Variants in GLB1 observed in about 807,000 individuals in gnomAD.
GLB1 encodes galactosidase beta 1, also known as beta-galactosidase.
In GLB1, 56 loss-of-function variants were observed where a neutral mutation model predicts 74.0. That is an observed-to-expected ratio of 0.76 (90% CI 0.61 to 0.94). The LOEUF is 0.94. Among genes scored for constraint, GLB1 ranks in the 40% least tolerant of loss-of-function variants. GLB1 has a pLI of 0.00. For synonymous variants in GLB1, 323 were observed against 323.6 expected, an observed-to-expected ratio of 1.00 and a Z score of 0.02; for missense variants, 787 against 845.5, an observed-to-expected ratio of 0.93 and a Z score of 0.86.
chr3:33,027,021 C>T (rs964098957), intron 10 of GLB1, among the ~76,000 whole-genome samples: 5 of 152,276 alleles, frequency 3.3e-5, no homozygotes, highest in African/African-American at 1.2e-4. Flanking sequence ...AGGGCTGAAA[C>T]ATGCCCCTTG....
chr3:33,059,313 A>C (rs1699352960), intron 5 of GLB1, among the ~76,000 whole-genome samples: 1 of 151,678 alleles, frequency 6.6e-6, no homozygotes, highest in African/African-American at 2.4e-5. Flanking sequence ...CCAATATACA[A>C]TATCTCAGGT....
chr3:33,043,803 T>TACCTCAGAAAAATACCAAGCAAAAG (rs1559397184), intron 10 of GLB1, among the ~76,000 whole-genome samples: 3 of 24,890 alleles, frequency 1.2e-4, no homozygotes, highest in African/African-American at 3.5e-4. Context: ...CAAGCAAAAG[T>TACCTCAGAAAAATACCAAGCAAAAG]ATGCAGGTAA....
At chr3:32,976,603 C>T in the GLB1 span, among the ~76,000 whole-genome samples, 1 of 152,130 alleles carries the variant, frequency 6.6e-6, no homozygotes, top group African/African-American at 2.4e-5. Context: ...GGCAGCAGTG[C>T]CGGGACTCTT....
At chr3:32,983,441 T>C in the GLB1 span, among the ~76,000 whole-genome samples, 1 of 152,368 alleles carries the variant, frequency 6.6e-6, no homozygotes, top group South Asian at 2.1e-4. Context: ...GTTTCAAAAG[T>C]GCTATTTTGT....
intron 1 of GLB1, among the ~76,000 whole-genome samples, chr3:33,077,709 A>G (rs1700171015): frequency 6.6e-6 from 1 of 151,392 alleles, no homozygotes; most frequent in Non-Finnish European, 1.5e-5. Context: ...TAAACAGCCA[A>G]TGGTACGTTT....
At chr3:33,091,805 C>T (rs1700775171) in intron 1 of GLB1, 7 of 985,496 alleles carry the variant, frequency 7.1e-6, no homozygotes, top group Non-Finnish European at 7.2e-6. Flanking sequence ...CCTAAATCAC[C>T]CAGCAGGAAA....
At chr3:32,968,820 T>C in the GLB1 span, among the ~76,000 whole-genome samples, 1 of 152,196 alleles carries the variant, frequency 6.6e-6, no homozygotes, top group Admixed American at 6.5e-5. Flanking sequence ...AGGGAGGCCA[T>C]AGAGGTTCTA....
intron 1 of GLB1, among the ~76,000 whole-genome samples, chr3:33,075,349 G>A (rs1700067956): frequency 6.6e-6 from 1 of 152,184 alleles, no homozygotes; most frequent in Non-Finnish European, 1.5e-5. Flanking sequence ...CAGAGGAGCA[G>A]GAGATAAGGC....
chr3:32,997,435 A>G (rs1176938499), intron 15 of GLB1, 91 bp from the exon 16 acceptor site: 1 of 1,571,962 alleles, frequency 6.4e-7, no homozygotes, highest in Admixed American at 1.8e-5. Flanking sequence ...GGCCAGCAGC[A>G]ATGGAGGAAA....
At chr3:33,048,175 A>G (rs556241144) in intron 9 of GLB1, among the ~76,000 whole-genome samples, 48 of 152,186 alleles carry the variant, frequency 3.2e-4, no homozygotes, top group African/African-American at 1.0e-3. Flanking sequence ...TTGAGTTGGG[A>G]AAGTGTGACC....
chr3:33,068,390 T>C (rs1006985108), intron 3 of GLB1, 100 bp from the exon 4 acceptor site: 2 of 1,510,946 alleles, frequency 1.3e-6, no homozygotes, highest in Admixed American at 4.0e-5. Flanking sequence ...AATAAAAGCT[T>C]CAAGGGACAA....
intron 1 of GLB1, among the ~76,000 whole-genome samples, chr3:33,095,545 C>T (rs1298372440): frequency 6.6e-6 from 1 of 152,124 alleles, no homozygotes; most frequent in Non-Finnish European, 1.5e-5. Flanking sequence ...ACCTAGGCAC[C>T]TGAAATGAGA....
At chr3:32,966,662 G>A in the GLB1 span, among the ~76,000 whole-genome samples, 1 of 152,188 alleles carries the variant, frequency 6.6e-6, no homozygotes, top group Admixed American at 6.5e-5. Flanking sequence ...GGGGCAGAAT[G>A]ATATGGTTTG....
At chr3:33,073,250 C>T (rs1029040451) in intron 1 of GLB1, among the ~76,000 whole-genome samples, 3 of 152,138 alleles carry the variant, frequency 2.0e-5, no homozygotes, top group African/African-American at 7.2e-5. Flanking sequence ...CCATCTCTAA[C>T]CCTACCTCTC....
chr3:33,096,371 G>T, intron 1 of GLB1: 1 of 981,112 alleles, frequency 1.0e-6, no homozygotes, highest in Non-Finnish European at 1.2e-6. Flanking sequence ...CCCGATCAAC[G>T]ATGGCATCCC....
chr3:33,061,411 A>G (rs577565654), intron 5 of GLB1, among the ~76,000 whole-genome samples: 1 of 152,162 alleles, frequency 6.6e-6, no homozygotes, highest in Admixed American at 6.5e-5. Context: ...AAACAAACAA[A>G]CAAACAAACA....
At chr3:33,032,640 C>A (rs1041039101) in intron 10 of GLB1, among the ~76,000 whole-genome samples, 4 of 152,088 alleles carry the variant, frequency 2.6e-5, no homozygotes, top group African/African-American at 9.7e-5. Flanking sequence ...CCAAGCTGGC[C>A]TTGATTTCCT....
Position 33,021,553 on chromosome 3 carries a change from T to G in GLB1, c.1233+13A>C. On this transcript the variant is annotated intron_variant, in intron 12 of 15. Transcript: ENST00000307363. ...AGTAGAAAAAAGGCGAGGCATTACC[T>G]TTGAAGGCCTACCTGTTTCACCTGG... 3 of 1,612,864 alleles carry G rather than the reference T, an allele frequency of 1.9e-6. No individual in the cohort carries two copies. The highest frequency in any genetic ancestry group is 2.5e-6 in the Non-Finnish European group (3 of 1,179,492).
At chr3:32,995,334 T>C (rs1696289624), downstream of GLB1, among the ~76,000 whole-genome samples, 1 of 152,158 alleles carries the variant, frequency 6.6e-6, no homozygotes, top group Admixed American at 6.5e-5. Flanking sequence ...TATCACTGTT[T>C]GGCCATGGTT....
Sources: gnomAD v4.1 joint callset for allele counts (sites outside exome capture counted in the v4.1 genomes callset) on GRCh38, gnomAD v4.1.1 for gene constraint, MANE v1.5 for transcripts, NCBI Gene and HGNC (gene_info 2026-07-23, HGNC 2026-07-21) for gene names.